SULT1E1: variants seen among roughly 807,000 people sequenced by gnomAD.
The protein encoded by SULT1E1 is sulfotransferase 1E1.
In SULT1E1, 36 loss-of-function variants were observed where a neutral mutation model predicts 33.6. The observed-to-expected ratio is 1.07, with a 90% CI of 0.82 to 1.41. The LOEUF (loss-of-function observed/expected upper bound fraction) is 1.41, where lower values mean the gene tolerates loss of function less well. Among genes scored for constraint, SULT1E1 ranks in the 40% most tolerant of loss-of-function variants. The pLI, the probability that SULT1E1 is intolerant of heterozygous loss-of-function variation, is 0.00. For synonymous variants in SULT1E1, 121 were observed against 111.7 expected (o/e 1.08, Z -0.53); for missense variants, 371 against 345.7 (o/e 1.07, Z -0.58).
chr4:69,837,246 A>G (rs1305404809), downstream of SULT1E1, among the ~76,000 whole-genome samples: 1 of 152,210 alleles, frequency 6.6e-6, no homozygotes, highest in Non-Finnish European at 1.5e-5. Flanking sequence ...CCATAATGTC[A>G]TTATCATTAA....
chr4:69,854,393 A>G (rs1721193077), intron 3 of SULT1E1, 79 bp from the exon 4 acceptor site: 1 of 859,524 alleles, frequency 1.2e-6, no homozygotes, highest in South Asian at 1.9e-5. Flanking sequence ...TATTTGTAAA[A>G]TAGAAGTAAT....
the SULT1E1 span, among the ~76,000 whole-genome samples, chr4:69,834,770 T>C: frequency 2.0e-5 from 3 of 152,164 alleles, no homozygotes; most frequent in African/African-American, 7.2e-5. Flanking sequence ...ATAAATCTAA[T>C]CCAGTGGTAA....
Position 69,855,367 on chromosome 4 carries a change from A to C in SULT1E1, c.205T>G (p.Cys69Gly). ...MIYKEGDVEK[C>G]KEDVIFNRIP... is the part of the protein sequence containing the mutation. Reference sequence around the variant, plus strand: ...CGATTAAAAATTACATCTTCTTTGCACTTTTCCACATCACCCTCTTTATAG... The same window carrying C: ...CGATTAAAAATTACATCTTCTTTGCCCTTTTCCACATCACCCTCTTTATAG... Residue 69 changes from cysteine to glycine, a missense_variant, in exon 3 of 8, where the codon TGC (cysteine) becomes GGC (glycine). Physicochemically the swap from Cys to Gly is radical, Grantham distance 159. Coordinates refer to ENST00000226444, the MANE Select transcript of SULT1E1 (RefSeq NM_005420.3). 1.2e-6 allele frequency: 2 copies of C among 1,613,274 alleles called. No individual in the cohort carries two copies. Among genetic ancestry groups the C allele is most frequent in the South Asian group, 2.2e-5 (2 of 91,040 alleles).
intron 2 of SULT1E1, among the ~76,000 whole-genome samples, chr4:69,856,132 GTC>G (rs1721230326): frequency 6.6e-6 from 1 of 152,138 alleles, no homozygotes; most frequent in African/African-American, 2.4e-5. Context: ...CAGAAGCCCA[GTC>G]TCTCTTTTTA....
chr4:69,855,556 C>T, intron 2 of SULT1E1, 130 bp from the exon 3 acceptor site: 1 of 742,430 alleles, frequency 1.3e-6, no homozygotes. Context: ...TGAATAGCCA[C>T]AGACTCAGGA....
chr4:69,846,811 TA>T (rs1037513467), intron 6 of SULT1E1, among the ~76,000 whole-genome samples: 54 of 151,772 alleles, frequency 3.6e-4, no homozygotes, highest in African/African-American at 1.2e-3. Flanking sequence ...GTAGTGGGTG[TA>T]AAACAGGTAT....
intron 6 of SULT1E1, among the ~76,000 whole-genome samples, chr4:69,846,967 A>G (rs182698352): frequency 1.3e-5 from 2 of 151,776 alleles, no homozygotes; most frequent in Non-Finnish European, 3.0e-5. Context: ...TTGAGTTGAT[A>G]TATGTGAGAC....
intron 3 of SULT1E1, among the ~76,000 whole-genome samples, chr4:69,854,786 A>T (rs549112763): frequency 5.8e-4 from 89 of 152,152 alleles, no homozygotes; most frequent in African/African-American, 2.0e-3. Context: ...GAACGTTTTG[A>T]TAGCTTCTAA....
intron 4 of SULT1E1, among the ~76,000 whole-genome samples, chr4:69,850,441 G>A (rs1371717740): frequency 6.6e-6 from 1 of 152,004 alleles, no homozygotes; most frequent in Non-Finnish European, 1.5e-5. Flanking sequence ...CTACTAAATT[G>A]TCTTACTGAT....
chr4:69,825,538 G>T, the SULT1E1 span, among the ~76,000 whole-genome samples: 4 of 152,154 alleles, frequency 2.6e-5, no homozygotes, highest in Admixed American at 2.6e-4. Flanking sequence ...CAACTAGCAT[G>T]CCTGCTGGAC....
At chr4:69,831,419 G>T in the SULT1E1 span, among the ~76,000 whole-genome samples, 1 of 152,032 alleles carries the variant, frequency 6.6e-6, no homozygotes, top group East Asian at 1.9e-4. Context: ...TAGGGGAATT[G>T]GTCTGGTTAC....
the SULT1E1 span, among the ~76,000 whole-genome samples, chr4:69,825,649 C>A: frequency 4.6e-5 from 7 of 152,166 alleles, no homozygotes; most frequent in Non-Finnish European, 1.0e-4. Context: ...TTCTGCTTTT[C>A]CTGTACTTCT....
At chr4:69,832,571 T>C in the SULT1E1 span, among the ~76,000 whole-genome samples, 1 of 152,196 alleles carries the variant, frequency 6.6e-6, no homozygotes, top group Non-Finnish European at 1.5e-5. Context: ...AATCAGGCTA[T>C]GCCAGGCATA....
Position 69,854,319 on chromosome 4 carries a change from T to G in SULT1E1, c.272-5A>C, listed in dbSNP as rs1189025795. 6.3e-7 allele frequency: 1 copy of G among 1,595,564 alleles called. No homozygotes were observed. The highest frequency in any genetic ancestry group is 1.3e-5 in the African/African-American group (1 of 74,578). ...TCTCATCTAATTGTTTTACTCCTGA[T>G]TTTTAAAAAAGTAAAGGTTAAGCAA... On this transcript the variant is annotated splice_polypyrimidine_tract_variant and splice_region_variant and intron_variant, in intron 3 of 7. Coordinates refer to ENST00000226444, the MANE Select transcript of SULT1E1 (RefSeq NM_005420.3).
At chr4:69,852,927 A>G (rs1305208077) in intron 4 of SULT1E1, among the ~76,000 whole-genome samples, 1 of 152,162 alleles carries the variant, frequency 6.6e-6, no homozygotes, top group African/African-American at 2.4e-5. Context: ...AAAAAATAAT[A>G]ATGACACATC....
At chr4:69,826,763 C>T in the SULT1E1 span, among the ~76,000 whole-genome samples, 1 of 152,112 alleles carries the variant, frequency 6.6e-6, no homozygotes, top group African/African-American at 2.4e-5. Flanking sequence ...GCAGCTTGAC[C>T]TTTTCTGTAA....
the SULT1E1 span, among the ~76,000 whole-genome samples, chr4:69,830,713 G>C: frequency 6.6e-6 from 1 of 151,754 alleles, no homozygotes; most frequent in East Asian, 1.9e-4. Flanking sequence ...AGGGCTGCCT[G>C]TGTCAGTCTC....
chr4:69,825,050 G>C, the SULT1E1 span, among the ~76,000 whole-genome samples: 1 of 152,060 alleles, frequency 6.6e-6, no homozygotes, highest in Non-Finnish European at 1.5e-5. Context: ...AACCCACCAG[G>C]AGGAACAAAC....
chr4:69,832,042 C>T, the SULT1E1 span, among the ~76,000 whole-genome samples: 8 of 152,242 alleles, frequency 5.3e-5, no homozygotes, highest in Admixed American at 4.6e-4. Flanking sequence ...CCACTCTCAC[C>T]TCCAGCCTCT....
Sources: allele counts gnomAD v4.1 joint callset (sites outside exome capture counted in the v4.1 genomes callset), GRCh38; gene constraint gnomAD v4.1.1; transcripts MANE v1.5; gene names NCBI Gene and HGNC (gene_info 2026-07-23, HGNC 2026-07-21).